CDC42BPB: variants seen among roughly 807,000 people sequenced by gnomAD.
The protein encoded by CDC42BPB is CDC42 binding protein kinase beta.
Under a neutral mutation model 214.9 loss-of-function variants are expected in CDC42BPB, and 37 were observed. The ratio of observed to expected loss-of-function variants is 0.17; its 90% confidence interval spans 0.13 to 0.23. The LOEUF is 0.23. Ranked by LOEUF, CDC42BPB falls within the 10% of genes least tolerant of loss-of-function variation. CDC42BPB has a pLI of 1.00. For synonymous variants in CDC42BPB, 931 were observed against 884.0 expected, an observed-to-expected ratio of 1.05 and a Z score of -0.94; for missense variants, 1,694 against 2,227.0, an observed-to-expected ratio of 0.76 and a Z score of 4.82.
At chr14:102,976,371 C>A (rs368746954) in intron 9 of CDC42BPB, among the ~76,000 whole-genome samples, 78 of 152,364 alleles carry the variant, frequency 5.1e-4, no homozygotes, top group African/African-American at 1.8e-3. Flanking sequence ...GCTTAGGGGG[C>A]AGCCCCAGCT....
chr14:103,018,138 G>A (rs1054665344), intron 1 of CDC42BPB, among the ~76,000 whole-genome samples: 4 of 152,160 alleles, frequency 2.6e-5, no homozygotes, highest in African/African-American at 4.8e-5. Flanking sequence ...AATAGGGTTC[G>A]TGCTCCTATG....
At chr14:102,997,928 T>C (rs1254409024) in intron 5 of CDC42BPB, among the ~76,000 whole-genome samples, 1 of 152,124 alleles carries the variant, frequency 6.6e-6, no homozygotes, top group Non-Finnish European at 1.5e-5. Context: ...GCGGATCACT[T>C]GAGGTCAAGA....
intron 1 of CDC42BPB, among the ~76,000 whole-genome samples, chr14:103,040,447 T>C (rs907314034): frequency 1.3e-5 from 2 of 151,060 alleles, no homozygotes; most frequent in Non-Finnish European, 3.0e-5. Context: ...AAACTTTTTT[T>C]CAATTAAATT....
chr14:103,045,534 A>AAC (rs1231823982), intron 1 of CDC42BPB, among the ~76,000 whole-genome samples: 4 of 152,006 alleles, frequency 2.6e-5, no homozygotes, highest in Admixed American at 6.6e-5. Flanking sequence ...TTCCACTTTC[A>AAC]ACACTTCCTT....
At chr14:103,048,707 CAAA>C (rs576300614) in intron 1 of CDC42BPB, among the ~76,000 whole-genome samples, 1 of 103,478 alleles carries the variant, frequency 9.7e-6, no homozygotes, top group Non-Finnish European at 2.0e-5. Context: ...GACTCCGTCT[CAAA>C]AAAAAAAAAA....
chr14:103,039,292 C>CAAAAAAAA (rs202028122), intron 1 of CDC42BPB, among the ~76,000 whole-genome samples: 19 of 70,606 alleles, frequency 2.7e-4, no homozygotes, highest in African/African-American at 5.1e-4. Context: ...GATACCAAAC[C>CAAAAAAAA]AAAAAAAAAA....
At chr14:102,984,601 C>T (rs376061378) in intron 6 of CDC42BPB, among the ~76,000 whole-genome samples, 81 of 152,174 alleles carry the variant, frequency 5.3e-4, no homozygotes, top group Non-Finnish European at 1.0e-3. Flanking sequence ...TGCGAGGGCA[C>T]GGGCCACCTC....
chr14:102,958,815 A>G (rs775335478), intron 21 of CDC42BPB, among the ~76,000 whole-genome samples: 2 of 151,818 alleles, frequency 1.3e-5, no homozygotes, highest in African/African-American at 2.4e-5. Context: ...AAACACAACT[A>G]AAGTATTTTT....
At chr14:103,020,219 C>A (rs1487316342) in intron 1 of CDC42BPB, among the ~76,000 whole-genome samples, 2 of 152,220 alleles carry the variant, frequency 1.3e-5, no homozygotes, top group African/African-American at 2.4e-5. Context: ...GACAGGTTAT[C>A]CATTACGAAT....
intron 36 of CDC42BPB, among the ~76,000 whole-genome samples, chr14:102,936,298 G>A (rs1466652354): frequency 6.6e-6 from 1 of 152,216 alleles, no homozygotes; most frequent in Non-Finnish European, 1.5e-5. Context: ...GTGCACACAC[G>A]TGTTCACAGC....
chr14:102,940,539 A>C, intron 30 of CDC42BPB: 6 of 1,281,748 alleles, frequency 4.7e-6, no homozygotes, highest in Non-Finnish European at 6.2e-6. Context: ...ATGCTCCACA[A>C]TCACTTCCGT....
chr14:103,005,042 C>G (rs1393458637), intron 3 of CDC42BPB, among the ~76,000 whole-genome samples: 1 of 151,812 alleles, frequency 6.6e-6, no homozygotes, highest in Non-Finnish European at 1.5e-5. Context: ...GTGGTGGGCG[C>G]CTGTAGTCCC....
In CDC42BPB at chr14:102,964,459, C is replaced by G. The variant is rs750254972; in HGVS notation, c.2726+43G>C. On this transcript the variant is annotated intron_variant, in intron 19 of 36. Coordinates refer to ENST00000361246, the MANE Select transcript of CDC42BPB (RefSeq NM_006035.4). ...GGCTCAGGGCGGGCTCGAGGCCACA[C>G]AGCCACTGCTCCTACCTGGAGTCAG... is the stretch of plus-strand genomic sequence containing the variant. 3.7e-6 allele frequency: 6 copies of G among 1,604,762 alleles called. No individual in the cohort carries two copies. The Admixed American group carries it at 1.0e-4, about 27-fold the overall frequency.
intron 33 of CDC42BPB, 30 bp from the exon 34 acceptor site, chr14:102,939,757 T>C (rs745958701): frequency 5.6e-6 from 9 of 1,614,010 alleles, no homozygotes; most frequent in Non-Finnish European, 7.6e-6. Context: ...TTGAGATTCA[T>C]GGATACGTGA....
chr14:102,951,815 A>G (rs750542949), intron 24 of CDC42BPB, among the ~76,000 whole-genome samples: 6 of 152,236 alleles, frequency 3.9e-5, no homozygotes, highest in Non-Finnish European at 7.3e-5. Context: ...AAAGAAAAAA[A>G]ATACGAATGA....
In CDC42BPB at chr14:103,041,559, G is replaced by C; in HGVS notation, c.175+15440C>G. ...ACATGGTTCAACCAGCCGGCCCGAA[G>C]ATCCGCAGATGCAAGGCCGGGCAAG... is the stretch of plus-strand genomic sequence containing the variant. On this transcript the variant is annotated intron_variant, in intron 1 of 36. Coordinates refer to ENST00000361246, the MANE Select transcript of CDC42BPB (RefSeq NM_006035.4). 3.1e-6 allele frequency: 4 copies of C among 1,279,542 alleles called. No individual in the cohort carries two copies. The South Asian group carries it at 5.1e-5, about 16-fold the overall frequency. 79.3% of individuals were successfully genotyped at this position (1,279,542 alleles called of 1,614,324 possible).
intron 21 of CDC42BPB, among the ~76,000 whole-genome samples, chr14:102,955,042 C>T (rs369044122): frequency 5.3e-5 from 8 of 152,324 alleles, no homozygotes; most frequent in East Asian, 3.9e-4. Context: ...CTCCTTGCCC[C>T]GGTCACTGAA....
intron 1 of CDC42BPB, among the ~76,000 whole-genome samples, chr14:103,052,553 G>C (rs748796106): frequency 7.2e-5 from 11 of 152,160 alleles, no homozygotes; most frequent in Non-Finnish European, 1.0e-4. Flanking sequence ...TAACAGCTAT[G>C]GGCATTCACA....
chr14:103,051,137 G>A (rs1212218819), intron 1 of CDC42BPB, among the ~76,000 whole-genome samples: 2 of 136,126 alleles, frequency 1.5e-5, no homozygotes, highest in African/African-American at 2.7e-5. Flanking sequence ...CCCAGTTAGT[G>A]GCTAGTGTAT....
Sources: gnomAD v4.1 joint callset for allele counts (sites outside exome capture counted in the v4.1 genomes callset) on GRCh38, gnomAD v4.1.1 for gene constraint, MANE v1.5 for transcripts, NCBI Gene and HGNC (gene_info 2026-07-23, HGNC 2026-07-21) for gene names.